PDXK: variants seen among roughly 807,000 people sequenced by gnomAD.
PDXK encodes epididymis secretory sperm binding protein Li 1a.
Under a neutral mutation model 43.2 loss-of-function variants are expected in PDXK, and 15 were observed. That is an observed-to-expected ratio of 0.35 (90% CI 0.23 to 0.53). The LOEUF (loss-of-function observed/expected upper bound fraction) is 0.53. PDXK is among the 20% of genes least tolerant of loss of function. The pLI is 0.92. For synonymous variants in PDXK, 172 were observed against 165.4 expected (o/e 1.04, Z -0.31); for missense variants, 343 against 417.0 (o/e 0.82, Z 1.54).
Position 43,735,739 on chromosome 21 carries a change from C to T in PDXK, c.142+1616C>T, listed in dbSNP as rs2083390220. Among the ~76,000 whole-genome samples the T allele has an allele frequency of 6.6e-6, 1 of 152,018 alleles. No homozygotes were observed. Among genetic ancestry groups the T allele is most frequent in the Non-Finnish European group, 1.5e-5 (1 of 67,960 alleles). On this transcript the variant is annotated intron_variant, in intron 2 of 10. Transcript: ENST00000291565. This position sits in a 1 kb window ranked among gnomAD's most constrained non-coding sequence, Gnocchi z 5.3. Reference sequence around the variant, plus strand: ...TGGCTCCCAGCCCCCTGTACCCACACTCTCGGGGTCAGCTGTCTGTGCGGC... The same window carrying T: ...TGGCTCCCAGCCCCCTGTACCCACATTCTCGGGGTCAGCTGTCTGTGCGGC...
Position 43,734,095 on chromosome 21 carries a change from G to A in PDXK, c.114G>A (p.Val38=). 2 of 1,614,222 alleles carry A rather than the reference G, an allele frequency of 1.2e-6. No individual in the cohort carries two copies. The highest frequency in any genetic ancestry group is 2.2e-5 in the East Asian group (1 of 44,888). Residue 38 remains valine, a synonymous_variant, in exon 2 of 11, where the codon GTG becomes GTA. Coordinates refer to ENST00000291565, the MANE Select transcript of PDXK (RefSeq NM_003681.5). The surrounding 1 kb of genome is among the most constrained non-coding windows in gnomAD (Gnocchi z 5.0). ...LQVLGFEIDA[V]NSVQFSNHTG... Reference sequence around the variant, plus strand: ...TTTTGGGATTTGAGATTGACGCGGTGAACTCTGTCCAGTTTTCAAACCACA... The same window carrying A: ...TTTTGGGATTTGAGATTGACGCGGTAAACTCTGTCCAGTTTTCAAACCACA...
rs1601801139 is a variant in PDXK, at chr21:43,736,829, C to T, written c.142+2706C>T. ...GCTATTTTTCATAGAGACGGAGTCTCACTATGTTGCCCAAGGTGGTCTTGA... is the reference window on the plus strand; with the variant it reads ...GCTATTTTTCATAGAGACGGAGTCTTACTATGTTGCCCAAGGTGGTCTTGA... On this transcript the variant is annotated intron_variant, in intron 2 of 10. Coordinates refer to ENST00000291565, the MANE Select transcript of PDXK (RefSeq NM_003681.5). 46 of 671,164 alleles carry T rather than the reference C, an allele frequency of 6.9e-5. 1 individual carries two copies. The South Asian group carries it at 7.3e-4, about 11-fold the overall frequency. The allele number at this position is 671,164 out of a possible 1,614,324, so 41.6% of individuals were successfully genotyped here.
At chr21:43,725,512 A>G (rs939233165) in intron 1 of PDXK, among the ~76,000 whole-genome samples, 2 of 151,918 alleles carry the variant, frequency 1.3e-5, no homozygotes, top group Non-Finnish European at 2.9e-5. Flanking sequence ...CAAACAGTAC[A>G]AAAAAGCCAG....
At position 43,746,004 on chromosome 21, in the gene PDXK, G is replaced by A. The variant is rs2083632552; in HGVS notation, c.332-75G>A. ...AGAGCAAGACCCTGTCTTAAAAAAA[G>A]AAGAAAGAAATGTGGAGGGTTTCTT... On this transcript the variant is annotated intron_variant, in intron 4 of 10. Transcript: ENST00000291565. The A allele has an allele frequency of 1.6e-5, 19 of 1,194,080 alleles. 1 individual carries two copies. The South Asian group carries it at 2.3e-4, about 15-fold the overall frequency. 74.0% of individuals were successfully genotyped at this position (1,194,080 alleles called of 1,614,324 possible). A position where few individuals can be genotyped will look rare whatever the true frequency, so the allele number is the denominator to read the frequency against.
rs35979481 is a variant in PDXK at position 43,738,935 on chromosome 21, CT to C, written c.143-2717del. 4.8e-3 allele frequency: 668 copies of C among 137,866 alleles called. 5 individuals are homozygous for C. The highest frequency in any genetic ancestry group is 0.014 in the African/African-American group (508 of 37,400). 8.5% of individuals were successfully genotyped at this position (137,866 alleles called of 1,614,324 possible). A position where few individuals can be genotyped will look rare whatever the true frequency, so the allele number is the denominator to read the frequency against. On this transcript the variant is annotated intron_variant, in intron 2 of 10. Transcript: ENST00000291565. ...TACCTTTATGAACTCTTTTCTTTTT[CT>C]TTTTTTTTTTTTTTGGAGACGGAGT...
chr21:43,745,930 G>A (rs746696414), intron 4 of PDXK, 149 bp from the exon 5 acceptor site: 6 of 683,998 alleles, frequency 8.8e-6, no homozygotes, highest in Middle Eastern at 3.0e-4. Flanking sequence ...CTGGAAGATC[G>A]AGGTTGCAGT....
rs1601842251 is a variant in PDXK at position 43,756,274 on chromosome 21, A to C, written c.*211A>C. Reference sequence around the variant, plus strand: ...GGTCACAGAAATTTGTGATCTGAAAACCCGGCTCCCTTCCCCACAAGGCTC... The same window carrying C: ...GGTCACAGAAATTTGTGATCTGAAACCCCGGCTCCCTTCCCCACAAGGCTC... On this transcript the variant is annotated 3_prime_UTR_variant, in exon 11 of 11. Coordinates refer to ENST00000291565, the MANE Select transcript of PDXK (RefSeq NM_003681.5). 2 of 425,110 alleles carry C rather than the reference A, an allele frequency of 4.7e-6. No individual in the cohort carries two copies. Among genetic ancestry groups the C allele is most frequent in the East Asian group, 4.3e-5 (1 of 23,212 alleles). 26.3% of individuals were successfully genotyped at this position (425,110 alleles called of 1,614,324 possible).
At chr21:43,721,122 G>A (rs368765412) in intron 1 of PDXK, among the ~76,000 whole-genome samples, 7 of 152,304 alleles carry the variant, frequency 4.6e-5, no homozygotes, top group African/African-American at 9.6e-5. Context: ...GTCCAAGCCC[G>A]GCTGGACAAG....
At position 43,756,089 on chromosome 21, in the gene PDXK, G is replaced by A. The variant is rs762650278; in HGVS notation, c.*26G>A. ...GGGCCCCGCCGCTTGCCCGTGACAC[G>A]CAGCGCGTTGGTGTCTCCGTGTTTG... On this transcript the variant is annotated 3_prime_UTR_variant, in exon 11 of 11. Transcript: ENST00000291565. 9.8e-6 allele frequency: 13 copies of A among 1,325,844 alleles called. No homozygotes were observed. The highest frequency in any genetic ancestry group is 1.9e-4 in the Middle Eastern group (1 of 5,246). The allele number at this position is 1,325,844 out of a possible 1,614,324, so 82.1% of individuals were successfully genotyped here.
At chr21:43,747,986 C>T (rs1197904718) in intron 5 of PDXK, among the ~76,000 whole-genome samples, 2 of 152,170 alleles carry the variant, frequency 1.3e-5, no homozygotes, top group East Asian at 3.9e-4. Context: ...CAGCGGCCGG[C>T]GTGTGACCAC....
intron 1 of PDXK, among the ~76,000 whole-genome samples, chr21:43,724,976 C>G (rs1208222518): frequency 6.6e-6 from 1 of 152,202 alleles, no homozygotes; most frequent in Non-Finnish European, 1.5e-5. Flanking sequence ...GCAAAGTGGC[C>G]TCTTCTTCAG....
At chr21:43,729,061 C>T (rs1293933575) in intron 1 of PDXK, 1 of 977,632 alleles carries the variant, frequency 1.0e-6, no homozygotes, top group South Asian at 4.7e-5. Flanking sequence ...AGCCCAGCCC[C>T]CCACCCCGCA....
chr21:43,744,074 G>C (rs2083594368), intron 4 of PDXK, among the ~76,000 whole-genome samples: 1 of 152,186 alleles, frequency 6.6e-6, no homozygotes, highest in Non-Finnish European at 1.5e-5. Context: ...GTATAGTGGG[G>C]CTGCTGTGTG....
In PDXK at chr21:43,723,767, GGTA is replaced by G. The variant is rs2083227141; in HGVS notation, c.87+4391_87+4393del. On this transcript the variant is annotated intron_variant, in intron 1 of 10. Transcript: ENST00000291565. The surrounding 1 kb of genome is among the most constrained non-coding windows in gnomAD (Gnocchi z 4.1). Reference sequence around the variant, plus strand: ...ACTGTGCATCCCGTCCAGATGGACAGGTAGTAGATTCCCGCTGGCTGGGTGATA... The same window carrying G: ...ACTGTGCATCCCGTCCAGATGGACAGGTAGATTCCCGCTGGCTGGGTGATA... 1 of 152,414 alleles carries G rather than the reference GGTA, an allele frequency of 6.6e-6. No individual in the cohort carries two copies. The highest frequency in any genetic ancestry group is 2.1e-4 in the South Asian group (1 of 4,834). 9.4% of individuals were successfully genotyped at this position (152,414 alleles called of 1,614,324 possible). A position where few individuals can be genotyped will look rare whatever the true frequency, so the allele number is the denominator to read the frequency against.
At chr21:43,739,303 G>T (rs998059288) in intron 2 of PDXK, among the ~76,000 whole-genome samples, 33 of 152,170 alleles carry the variant, frequency 2.2e-4, no homozygotes, top group Non-Finnish European at 4.0e-4. Context: ...GATTACAGGC[G>T]TGAGCCACCG....
chr21:43,751,117 A>C (rs2083743695), intron 7 of PDXK, among the ~76,000 whole-genome samples: 1 of 152,238 alleles, frequency 6.6e-6, no homozygotes, highest in African/African-American at 2.4e-5. Context: ...CAGCAGCCCA[A>C]GGTGCAGTTT....
chr21:43,728,915 C>T (rs563211465), intron 1 of PDXK: 1 of 985,518 alleles, frequency 1.0e-6, no homozygotes, highest in East Asian at 1.1e-4. Context: ...ATCCCACTGG[C>T]CTGGACTCTG....
Position 43,737,123 on chromosome 21 carries a change from G to A in PDXK, c.142+3000G>A, listed in dbSNP as rs1329007385. On this transcript the variant is annotated intron_variant, in intron 2 of 10. Coordinates refer to ENST00000291565, the MANE Select transcript of PDXK (RefSeq NM_003681.5). This position sits in a 1 kb window ranked among gnomAD's most constrained non-coding sequence, Gnocchi z 4.8. ...CCTGCCCAGGGTTGTTACTGGGGTG[G>A]TCACGTGGGCAGCTTCTGCCTGGGA... 4.2e-6 allele frequency: 5 copies of A among 1,200,730 alleles called. No individual in the cohort carries two copies. The highest frequency in any genetic ancestry group is 4.7e-6 in the Non-Finnish European group (4 of 846,722). 74.4% of individuals were successfully genotyped at this position (1,200,730 alleles called of 1,614,324 possible).
In PDXK at chr21:43,756,370, A is replaced by G; in HGVS notation, c.*307A>G. 1 of 317,078 alleles carries G rather than the reference A, an allele frequency of 3.2e-6. No individual in the cohort carries two copies. Among genetic ancestry groups the G allele is most frequent in the Non-Finnish European group, 6.1e-6 (1 of 164,330 alleles). The allele number at this position is 317,078 out of a possible 1,614,324, so 19.6% of individuals were successfully genotyped here. On this transcript the variant is annotated 3_prime_UTR_variant, in exon 11 of 11. Transcript: ENST00000291565. ...TTCCCTGTGGGAGGGTGAGTGGGTG[A>G]GGCCGAGCCTGCTGCGTGTGGAGCC...
Sources: gnomAD v4.1 joint callset for allele counts (sites outside exome capture counted in the v4.1 genomes callset) on GRCh38, gnomAD v4.1.1 for gene constraint, Gnocchi (gnomAD v3.1) non-coding constraint, MANE v1.5 for transcripts, NCBI Gene and HGNC (gene_info 2026-07-23, HGNC 2026-07-21) for gene names.